The following OTUD6B variants were observed in gnomAD, a reference collection of about 807,000 sequenced individuals.
OTUD6B encodes deubiquitinase OTUD6B.
A neutral mutation model predicts 36.9 loss-of-function variants in OTUD6B; 41 were observed. The observed-to-expected ratio is 1.11, with a 90% confidence interval of 0.87 to 1.44. OTUD6B has a LOEUF of 1.44. OTUD6B is among the 40% of genes most tolerant of loss of function. The probability of loss-of-function intolerance (pLI) is 0.00; values close to 1 mark genes in which losing one functional copy is unlikely to be tolerated. For synonymous variants in OTUD6B, 114 were observed against 114.2 expected, an observed-to-expected ratio of 1.00 and a Z score of 0.01; for missense variants, 356 against 344.8, an observed-to-expected ratio of 1.03 and a Z score of -0.26.
At chr8:91,076,689 C>T (rs534478829) in intron 3 of OTUD6B, 1 of 1,352,138 alleles carries the variant, frequency 7.4e-7, no homozygotes, top group African/African-American at 1.4e-5. Context: ...GCTGTTTCCT[C>T]AGAAGAGGAA....
In OTUD6B at chr8:91,078,404, G is replaced by A; in HGVS notation, c.364G>A (p.Ala122Thr). The A allele has an allele frequency of 6.3e-7, 1 of 1,595,082 alleles. No individual in the cohort carries two copies. The highest frequency in any genetic ancestry group is 1.1e-5 in the South Asian group (1 of 88,054). The change falls in exon 4 of 7, where the codon GCT (alanine) becomes ACT (threonine). Residue 122 changes from alanine (A) to threonine (T), a missense_variant. By Grantham distance (58) the Ala-to-Thr change is moderately conservative. Transcript: ENST00000404789. ...EKEREERIAE[A>T]EIENLTGARH... is the part of the protein sequence containing the mutation. ...GGAGCGAGAAGAACGGATAGCTGAA[G>A]CTGAAATTGAAAACTTAACAGGAGC...
intron 1 of OTUD6B, chr8:91,070,905 T>C (rs1812681317): frequency 8.3e-6 from 3 of 360,988 alleles, no homozygotes; most frequent in Non-Finnish European, 1.2e-5. Context: ...CCTTCTCTTA[T>C]CTCGCCAAAC....
At chr8:91,077,047 C>A in intron 3 of OTUD6B, among the ~76,000 whole-genome samples, 1 of 152,152 alleles carries the variant, frequency 6.6e-6, no homozygotes, top group Admixed American at 6.5e-5. Flanking sequence ...AAGGAGAAAT[C>A]AGAGCTAGTG....
intron 3 of OTUD6B, among the ~76,000 whole-genome samples, chr8:91,077,842 T>A (rs1026617713): frequency 6.6e-6 from 1 of 151,416 alleles, no homozygotes; most frequent in Non-Finnish European, 1.5e-5. Flanking sequence ...ATATTTTAAT[T>A]TTTTTTTTAC....
At chr8:91,074,835 T>C (rs1812772367) in intron 3 of OTUD6B, among the ~76,000 whole-genome samples, 1 of 152,116 alleles carries the variant, frequency 6.6e-6, no homozygotes, top group Non-Finnish European at 1.5e-5. Flanking sequence ...GAGGTTTTAA[T>C]TTCATTTACT....
chr8:91,083,092 TATTGTATGGTATGAAATTACTTAAA>T (rs1022877900), intron 5 of OTUD6B, among the ~76,000 whole-genome samples: 4 of 152,126 alleles, frequency 2.6e-5, no homozygotes, highest in Admixed American at 6.5e-5. Context: ...TCTAATTTTA[TATTGTATGGTATGAAATTACTTAAA>T]ATTGTATATT....
chr8:91,080,131 T>G, intron 4 of OTUD6B, among the ~76,000 whole-genome samples: 1 of 152,146 alleles, frequency 6.6e-6, no homozygotes, highest in East Asian at 1.9e-4. Flanking sequence ...CTGATACTTA[T>G]GCAAGTAATG....
intron 2 of OTUD6B, among the ~76,000 whole-genome samples, chr8:91,072,627 T>A (rs1214750944): frequency 1.3e-5 from 2 of 152,240 alleles, no homozygotes; most frequent in African/African-American, 4.8e-5. Context: ...TTCCCAACTT[T>A]CCTTGCCTTT....
At chr8:91,083,938 C>T (rs1002268383) in intron 5 of OTUD6B, 70 bp from the exon 6 acceptor site, 1 of 1,532,748 alleles carries the variant, frequency 6.5e-7, no homozygotes, top group Non-Finnish European at 8.8e-7. Context: ...TGACTGGTTG[C>T]CCGTTCACAC....
chr8:91,080,298 C>A (rs1188590302), intron 4 of OTUD6B, among the ~76,000 whole-genome samples: 2 of 151,858 alleles, frequency 1.3e-5, no homozygotes. Context: ...TTTTGTCTTT[C>A]ATGGTATTCC....
At chr8:91,084,605 C>A in intron 6 of OTUD6B, 179 bp from the exon 7 acceptor site, 1 of 375,854 alleles carries the variant, frequency 2.7e-6, no homozygotes, top group Non-Finnish European at 3.7e-6. Flanking sequence ...TTGCTGACTG[C>A]TGCCACTTTT....
rs1812687048 is a variant in OTUD6B, at chr8:91,071,127, T to A, written c.83-11T>A. On this transcript the variant is annotated splice_polypyrimidine_tract_variant and intron_variant, in intron 1 of 6. Transcript: ENST00000404789. ...TGCGTGTCTGACTTAATGATTTTAATGGCTTTTCAGCCAAAATTCAGGGCA... is the reference window on the plus strand; with the variant it reads ...TGCGTGTCTGACTTAATGATTTTAAAGGCTTTTCAGCCAAAATTCAGGGCA... The A allele has an allele frequency of 6.2e-7, 1 of 1,611,714 alleles. No homozygotes were observed. Among genetic ancestry groups the A allele is most frequent in the African/African-American group, 1.3e-5 (1 of 74,708 alleles).
chr8:91,075,217 A>G (rs1168899645), intron 3 of OTUD6B, among the ~76,000 whole-genome samples: 1 of 152,054 alleles, frequency 6.6e-6, no homozygotes, highest in Non-Finnish European at 1.5e-5. Flanking sequence ...GAGTAAATAT[A>G]ATTGTGAATT....
At chr8:91,081,125 T>A (rs1192050353) in intron 5 of OTUD6B, among the ~76,000 whole-genome samples, 1 of 136,574 alleles carries the variant, frequency 7.3e-6, no homozygotes, top group Non-Finnish European at 1.6e-5. Flanking sequence ...TGGAAAAATA[T>A]CTTTTTTACA....
chr8:91,070,971 C>A, intron 1 of OTUD6B, 167 bp from the exon 2 acceptor site: 1 of 842,432 alleles, frequency 1.2e-6, no homozygotes, highest in Non-Finnish European at 1.4e-6. Flanking sequence ...TTGGTCTCAG[C>A]TTTATCTGGG....
rs1378912202 is a variant in OTUD6B at position 91,086,876 on chromosome 8, T to G, written c.*2008T>G. 6.6e-6 allele frequency: 1 copy of G among 152,100 alleles called. No homozygotes were observed. Among genetic ancestry groups the G allele is most frequent in the Non-Finnish European group, 1.5e-5 (1 of 67,940 alleles). 9.4% of individuals were successfully genotyped at this position (152,100 alleles called of 1,614,324 possible). On this transcript the variant is annotated 3_prime_UTR_variant, in exon 7 of 7. Coordinates refer to ENST00000404789, the MANE Select transcript of OTUD6B (RefSeq NM_016023.5). ...AATTTACTTTTTCATATGATGATGG[T>G]CTAATGGAAGTTACATATGCTTTCT...
chr8:91,070,989 C>T lies in OTUD6B; in HGVS notation c.83-149C>T, dbSNP rs1199730043. The T allele has an allele frequency of 1.8e-5, 23 of 1,279,404 alleles. 1 individual carries two copies. The highest frequency in any genetic ancestry group is 1.3e-4 in the East Asian group (4 of 31,438). The allele number at this position is 1,279,404 out of a possible 1,614,324, so 79.3% of individuals were successfully genotyped here. A position where few individuals can be genotyped will look rare whatever the true frequency, so the allele number is the denominator to read the frequency against. On this transcript the variant is annotated intron_variant, in intron 1 of 6. Transcript: ENST00000404789. ...GTCTCAGCTTTATCTGGGATCTTCT[C>T]TCTCTGTAGCTGCCTGTTACGTGAT...
intron 4 of OTUD6B, among the ~76,000 whole-genome samples, chr8:91,079,947 T>G (rs1424675233): frequency 3.3e-5 from 5 of 152,144 alleles, no homozygotes; most frequent in African/African-American, 1.2e-4. Context: ...GAGACATATT[T>G]TTCTTCTAGA....
chr8:91,080,760 G>A (rs978758368), intron 5 of OTUD6B, 30 bp downstream of exon 5: 1 of 1,523,898 alleles, frequency 6.6e-7, no homozygotes, highest in Admixed American at 1.9e-5. Flanking sequence ...TAGTGATTGT[G>A]GGTTGTTAAA....
Sources: gnomAD v4.1 joint callset for allele counts (sites outside exome capture counted in the v4.1 genomes callset) on GRCh38, gnomAD v4.1.1 for gene constraint, MANE v1.5 for transcripts, NCBI Gene and HGNC (gene_info 2026-07-23, HGNC 2026-07-21) for gene names.